The following CLCN1 variants were observed in gnomAD, a reference collection of about 807,000 sequenced individuals.
CLCN1 encodes chloride voltage-gated channel 1.
In CLCN1, 100 loss-of-function variants were observed where a neutral mutation model predicts 114.5. The ratio of observed to expected loss-of-function variants is 0.87; its 90% CI spans 0.74 to 1.03. CLCN1 has a LOEUF of 1.03. Among genes scored for constraint, CLCN1 ranks in the 50% least tolerant of loss-of-function variants. The pLI is 0.00. For synonymous variants in CLCN1, 485 were observed against 487.1 expected, an observed-to-expected ratio of 1.00 and a Z score of 0.06; for missense variants, 1,188 against 1,250.0, an observed-to-expected ratio of 0.95 and a Z score of 0.75.
intron 16 of CLCN1, among the ~76,000 whole-genome samples, chr7:143,344,835 C>CT (rs1428544509): frequency 6.7e-6 from 1 of 150,148 alleles, no homozygotes; most frequent in Non-Finnish European, 1.5e-5. Flanking sequence ...ACTGCAACCT[C>CT]TGCCTCCCGG....
At position 143,327,405 on chromosome 7, in the gene CLCN1, C is replaced by T. The variant is rs962097624; in HGVS notation, c.853+2913C>T. Among the ~76,000 whole-genome samples the T allele has an allele frequency of 1.1e-4, 16 of 151,926 alleles. No individual in the cohort carries two copies. Among genetic ancestry groups the T allele is most frequent in the South Asian group, 2.1e-4 (1 of 4,804 alleles). On this transcript the variant is annotated intron_variant, in intron 7 of 22. Coordinates refer to ENST00000343257, the MANE Select transcript of CLCN1 (RefSeq NM_000083.3). ...CAGACCTGACTTCGGGAAATACTGT[C>T]GGGGTGAATTAAAGTCATGAAATAC...
At chr7:143,323,480 C>T in intron 6 of CLCN1, 94 bp downstream of exon 6, 1 of 891,834 alleles carries the variant, frequency 1.1e-6, no homozygotes, top group Non-Finnish European at 1.9e-6. Context: ...CTGCTCTGGG[C>T]TGGCTGTGGT....
intron 20 of CLCN1, among the ~76,000 whole-genome samples, chr7:143,347,408 G>C (rs1219661303): frequency 1.3e-5 from 2 of 151,588 alleles, no homozygotes; most frequent in African/African-American, 4.8e-5. Flanking sequence ...ATCACCTGAG[G>C]TCAGGAGTTT....
rs200262034 is a variant in CLCN1 at position 143,351,861 on chromosome 7, G to A, written c.2863G>A (p.Glu955Lys). 6.2e-7 allele frequency: 1 copy of A among 1,613,868 alleles called. No homozygotes were observed. The highest frequency in any genetic ancestry group is 2.2e-5 in the East Asian group (1 of 44,864). Residue 955 changes from glutamate (E) to lysine (K), a missense_variant, in exon 23 of 23, where the codon GAG (glutamate) becomes AAG (lysine). Glu to Lys is a moderately conservative substitution (Grantham distance 56). Transcript: ENST00000343257. The part of the protein sequence containing the change: ...GKVEGELEEL[E>K]LVESPGLEEE... ...GGTAGAGGGCGAGTTGGAGGAGCTG[G>A]AGCTGGTGGAGAGTCCAGGGCTGGA...
At position 143,351,773 on chromosome 7, in the gene CLCN1, C is replaced by T. The variant is rs1319141914; in HGVS notation, c.2775C>T (p.Ala925=). The T allele has an allele frequency of 6.2e-7, 1 of 1,614,060 alleles. No individual in the cohort carries two copies. Among genetic ancestry groups the T allele is most frequent in the African/African-American group, 1.3e-5 (1 of 74,926 alleles). Residue 925 remains alanine, a synonymous_variant, in exon 23 of 23, where the codon GCC becomes GCT. Coordinates refer to ENST00000343257, the MANE Select transcript of CLCN1 (RefSeq NM_000083.3). ...CTGGAACAGGGGATGTGATTGCTGC[C>T]TCCCCAGAGACCCCTGTGCCATCTC... The part of the protein sequence containing the change: ...GATGTGDVIA[A]SPETPVPSPS...
intron 7 of CLCN1, 147 bp from the exon 8 acceptor site, chr7:143,330,625 A>G: frequency 9.5e-7 from 1 of 1,050,214 alleles, no homozygotes; most frequent in Admixed American, 2.0e-5. Context: ...GGTTTTGAGC[A>G]TGGGAATCCA....
At chr7:143,320,384 T>C (rs1802392367) in intron 2 of CLCN1, among the ~76,000 whole-genome samples, 1 of 152,124 alleles carries the variant, frequency 6.6e-6, no homozygotes. Context: ...GGAATTCAAG[T>C]ATTCATGGGG....
intron 20 of CLCN1, among the ~76,000 whole-genome samples, chr7:143,348,366 C>CT (rs919083885): frequency 3.4e-4 from 51 of 151,908 alleles, no homozygotes; most frequent in Middle Eastern, 6.8e-3. Flanking sequence ...TGCTTTTTTT[C>CT]TTTTTTTTAA....
At chr7:143,333,720 T>A (rs1038070365) in intron 12 of CLCN1, among the ~76,000 whole-genome samples, 1 of 152,216 alleles carries the variant, frequency 6.6e-6, no homozygotes, top group Admixed American at 6.5e-5. Context: ...TTATTCTCTA[T>A]TTAGGTGATG....
chr7:143,346,558 T>C, intron 18 of CLCN1, 21 bp from the exon 19 acceptor site: 1 of 1,568,836 alleles, frequency 6.4e-7, no homozygotes. Context: ...TCCATTTCCA[T>C]CCACTCACCT....
At position 143,350,594 on chromosome 7, in the gene CLCN1, C is replaced by A; in HGVS notation, c.2535C>A (p.Gly845=). ...CTCATACCCTGTTTTCACTCCTTGG[C>A]CTCCACCTCGCTTACGTGACCAGCA... is the stretch of plus-strand genomic sequence containing the variant. ...HKTHTLFSLL[G]LHLAYVTSMG... The change falls in exon 22 of 23, where the codon GGC becomes GGA. Residue 845 remains glycine, a synonymous_variant. Coordinates refer to ENST00000343257, the MANE Select transcript of CLCN1 (RefSeq NM_000083.3). The surrounding 1 kb of genome is among the most constrained non-coding windows in gnomAD (Gnocchi z 5.1). The A allele has an allele frequency of 6.2e-7, 1 of 1,614,134 alleles. No homozygotes were observed. The highest frequency in any genetic ancestry group is 8.5e-7 in the Non-Finnish European group (1 of 1,180,012).
rs1802419104 is a variant in CLCN1, at chr7:143,321,125, T to C, written c.434-240T>C. 6.6e-6 allele frequency among the ~76,000 whole-genome samples: 1 copy of C among 152,140 alleles called. No homozygotes were observed. Among genetic ancestry groups the C allele is most frequent in the Non-Finnish European group, 1.5e-5 (1 of 68,012 alleles). On this transcript the variant is annotated intron_variant, in intron 3 of 22. Transcript: ENST00000343257. The surrounding 1 kb of genome is among the most constrained non-coding windows in gnomAD (Gnocchi z 4.2). ...CTTGGTTCTGGGCACACCGGGTGGTTGGTCACACCCAGGCCTCCAGACCCT... is the reference window on the plus strand; with the variant it reads ...CTTGGTTCTGGGCACACCGGGTGGTCGGTCACACCCAGGCCTCCAGACCCT...
rs949075127 is a variant in CLCN1, at chr7:143,322,355, G to C, written c.696+507G>C. 1.3e-5 allele frequency among the ~76,000 whole-genome samples: 2 copies of C among 152,132 alleles called. 1 individual carries two copies. Among genetic ancestry groups the C allele is most frequent in the Admixed American group, 1.3e-4 (2 of 15,276 alleles). ...GGCTGTGCTATTTTCAAGGTTGCTCGGTGGGTTGCAGCCTCCTTCCGTTCT... is the reference window on the plus strand; with the variant it reads ...GGCTGTGCTATTTTCAAGGTTGCTCCGTGGGTTGCAGCCTCCTTCCGTTCT... On this transcript the variant is annotated intron_variant, in intron 5 of 22. Coordinates refer to ENST00000343257, the MANE Select transcript of CLCN1 (RefSeq NM_000083.3).
In CLCN1 at chr7:143,350,328, A is replaced by AGG; in HGVS notation, c.2404-43_2404-42dup. ...GTCAAAATCAGGTATCTGGGGTGAA[A>AGG]GGAGGCTCTGTGATTTTCGTGACTT... On this transcript the variant is annotated intron_variant, in intron 20 of 22. Transcript: ENST00000343257. The surrounding 1 kb of genome is among the most constrained non-coding windows in gnomAD (Gnocchi z 5.1). The AGG allele has an allele frequency of 6.6e-7, 1 of 1,519,640 alleles. No individual in the cohort carries two copies. The highest frequency in any genetic ancestry group is 9.1e-7 in the Non-Finnish European group (1 of 1,098,420). 94.1% of individuals were successfully genotyped at this position (1,519,640 alleles called of 1,614,324 possible).
intron 6 of CLCN1, 186 bp downstream of exon 6, chr7:143,323,572 G>A (rs1241677498): frequency 1.4e-6 from 1 of 701,542 alleles, no homozygotes; most frequent in East Asian, 2.8e-5. Flanking sequence ...CCTCTGTTTA[G>A]CCTGTGCCTG....
At chr7:143,341,889 G>A (rs988215631) in intron 14 of CLCN1, 40 bp from the exon 15 acceptor site, 32 of 1,529,490 alleles carry the variant, frequency 2.1e-5, no homozygotes, top group Non-Finnish European at 2.4e-5. Context: ...TGCTAAGAAC[G>A]GTAGCCCTAA....
In CLCN1 at chr7:143,320,663, G is replaced by A. The variant is rs529377088; in HGVS notation, c.302-1G>A. On this transcript the variant is annotated splice_acceptor_variant, in intron 2 of 22. Coordinates refer to ENST00000343257, the MANE Select transcript of CLCN1 (RefSeq NM_000083.3). LOFTEE classifies it high-confidence loss of function. ...TTGTTTTTTCCCTCATCTCTTCCTA[G>A]ATTGTATCCACCGCCTGGGACAGGT... 1.1e-5 allele frequency: 17 copies of A among 1,609,200 alleles called. No homozygotes were observed. The highest frequency in any genetic ancestry group is 1.7e-5 in the Admixed American group (1 of 59,600).
chr7:143,323,985 T>A (rs191527043), intron 6 of CLCN1: 5 of 411,598 alleles, frequency 1.2e-5, no homozygotes, highest in East Asian at 1.4e-4. Context: ...GGAGTGGGCA[T>A]CCAGGGAATG....
intron 8 of CLCN1, 69 bp downstream of exon 8, chr7:143,330,966 C>T: frequency 6.2e-7 from 1 of 1,607,362 alleles, no homozygotes. Flanking sequence ...CAGAGGAAAA[C>T]TCTGTGGGGC....
Sources: allele counts gnomAD v4.1 joint callset (sites outside exome capture counted in the v4.1 genomes callset), GRCh38; gene constraint gnomAD v4.1.1; non-coding constraint Gnocchi (gnomAD v3.1); transcripts MANE v1.5; gene names NCBI Gene and HGNC (gene_info 2026-07-23, HGNC 2026-07-21).